The following EEPD1 variants were observed in gnomAD, a reference collection of about 807,000 sequenced individuals.
EEPD1 encodes endonuclease/exonuclease/phosphatase family domain-containing protein 1.
EEPD1 carries 17 observed loss-of-function variants against 46.3 expected under a neutral mutation model. The observed-to-expected ratio is 0.37, with a 90% confidence interval of 0.25 to 0.55. The LOEUF is 0.55. Ranked by LOEUF, EEPD1 falls within the 20% of genes least tolerant of loss-of-function variation. The probability of loss-of-function intolerance (pLI) is 0.83; values close to 1 mark genes in which losing one functional copy is unlikely to be tolerated. For missense variants in EEPD1, 673 were observed against 745.6 expected, an observed-to-expected ratio of 0.90 and a Z score of 1.13; for synonymous variants, 313 against 315.6, an observed-to-expected ratio of 0.99 and a Z score of 0.09.
At position 36,209,968 on chromosome 7, in the gene EEPD1, A is replaced by T. The variant is rs1256397537; in HGVS notation, c.879-29017A>T. Among the ~76,000 whole-genome samples the T allele has an allele frequency of 4.6e-5, 7 of 152,020 alleles. No individual in the cohort carries two copies. In the East Asian group the frequency reaches 1.4e-3, roughly 29 times the overall value. ...GCTGTGGAGATGACTGAGTCCAGCC[A>T]GTGCAGAGGGAGGAAAAGCTCCCTT... On this transcript the variant is annotated intron_variant, in intron 2 of 7. Transcript: ENST00000242108.
At chr7:36,180,977 C>T (rs765129105) in intron 2 of EEPD1, among the ~76,000 whole-genome samples, 9 of 152,112 alleles carry the variant, frequency 5.9e-5, no homozygotes, top group Non-Finnish European at 8.8e-5. Context: ...CTTTCACTGC[C>T]CCCAGCAGCG....
intron 2 of EEPD1, among the ~76,000 whole-genome samples, chr7:36,187,480 A>G (rs888043): frequency 0.8 from 122,415 of 152,118 alleles, 51,374 homozygotes; most frequent in Non-Finnish European, 0.92. Flanking sequence ...CATGTCTCCT[A>G]CCACCGGGTT....
intron 2 of EEPD1, among the ~76,000 whole-genome samples, chr7:36,226,681 T>G (rs1786236934): frequency 1.3e-5 from 2 of 152,036 alleles, no homozygotes; most frequent in Admixed American, 1.3e-4. Context: ...GAAAATAAAA[T>G]TTAAAACCAA....
intron 6 of EEPD1, among the ~76,000 whole-genome samples, chr7:36,294,688 CTA>C (rs528945753): frequency 6.0e-4 from 92 of 152,138 alleles, no homozygotes; most frequent in Non-Finnish European, 1.0e-3. Context: ...ACATCACAAA[CTA>C]AAAAGAAAAT....
chr7:36,188,139 A>C (rs1785395545), intron 2 of EEPD1, among the ~76,000 whole-genome samples: 1 of 151,976 alleles, frequency 6.6e-6, no homozygotes, highest in Admixed American at 6.6e-5. Context: ...CTCTCTTATT[A>C]ATTCTCTGGG....
In EEPD1 at chr7:36,225,211, C is replaced by G. The variant is rs1364308958; in HGVS notation, c.879-13774C>G. On this transcript the variant is annotated intron_variant, in intron 2 of 7. Transcript: ENST00000242108. This position sits in a 1 kb window ranked among gnomAD's most constrained non-coding sequence, Gnocchi z 4.2. Reference sequence around the variant, plus strand: ...AGTTTGTGATAATTTGTTAGAACAGCCACAGAAAACAACACAAATGCCATG... The same window carrying G: ...AGTTTGTGATAATTTGTTAGAACAGGCACAGAAAACAACACAAATGCCATG... Among the ~76,000 whole-genome samples the G allele has an allele frequency of 6.6e-6, 1 of 152,096 alleles. No individual in the cohort carries two copies. Among genetic ancestry groups the G allele is most frequent in the African/African-American group, 2.4e-5 (1 of 41,424 alleles).
intron 2 of EEPD1, among the ~76,000 whole-genome samples, chr7:36,157,094 A>G (rs527477338): frequency 6.6e-6 from 1 of 152,370 alleles, no homozygotes; most frequent in South Asian, 2.1e-4. Flanking sequence ...CATTCTAAGT[A>G]ATCTAAAGAT....
intron 3 of EEPD1, among the ~76,000 whole-genome samples, chr7:36,271,818 T>C (rs185885543): frequency 1.5e-3 from 56 of 37,588 alleles, no homozygotes; most frequent in Admixed American, 5.6e-3. Flanking sequence ...TCTATTCTAT[T>C]CTATTCTATT....
At position 36,299,183 on chromosome 7, in the gene EEPD1, G is replaced by A. The variant is rs1344635503; in HGVS notation, c.1687G>A (p.Ala563Thr). ...CGGGGTGGCCTTGGAGCGAAGTGAAGCCAACATCAAGCACGAGCGATGATG... is the reference window on the plus strand; with the variant it reads ...CGGGGTGGCCTTGGAGCGAAGTGAAACCAACATCAAGCACGAGCGATGATG... ...GSGVALERSE[A>T]NIKHER is the part of the protein sequence containing the mutation. Residue 563 changes from alanine to threonine, a missense_variant, in exon 8 of 8, where the codon GCC becomes ACC. Coordinates refer to ENST00000242108, the MANE Select transcript of EEPD1 (RefSeq NM_030636.3). 4 of 1,614,070 alleles carry A rather than the reference G, an allele frequency of 2.5e-6. No homozygotes were observed. The highest frequency in any genetic ancestry group is 1.3e-5 in the African/African-American group (1 of 74,946).
chr7:36,239,626 G>A (rs886482232), intron 3 of EEPD1, among the ~76,000 whole-genome samples: 9 of 152,136 alleles, frequency 5.9e-5, no homozygotes, highest in African/African-American at 1.9e-4. Context: ...GTTTCACTGT[G>A]CCCTGGAAGA....
intron 3 of EEPD1, among the ~76,000 whole-genome samples, chr7:36,273,562 G>A (rs139551694): frequency 2.6e-5 from 4 of 152,124 alleles, no homozygotes; most frequent in African/African-American, 9.6e-5. Flanking sequence ...AGCTCACATG[G>A]CAATTATCAC....
chr7:36,186,165 T>C (rs1041869256), intron 2 of EEPD1, among the ~76,000 whole-genome samples: 1 of 152,190 alleles, frequency 6.6e-6, no homozygotes, highest in Non-Finnish European at 1.5e-5. Context: ...TAGACTTTGT[T>C]GGCACTCTGG....
intron 7 of EEPD1, 29 bp from the exon 8 acceptor site, chr7:36,298,978 C>T (rs939277496): frequency 6.2e-7 from 1 of 1,609,526 alleles, no homozygotes; most frequent in East Asian, 2.2e-5. Context: ...CATCCTGATT[C>T]CCGGTCTCTT....
At chr7:36,215,524 AG>A (rs1178213861) in intron 2 of EEPD1, among the ~76,000 whole-genome samples, 1 of 152,234 alleles carries the variant, frequency 6.6e-6, no homozygotes, top group African/African-American at 2.4e-5. Flanking sequence ...TCCAGAAACC[AG>A]GTTTGAAATT....
intron 3 of EEPD1, among the ~76,000 whole-genome samples, chr7:36,264,459 G>A (rs1562706187): frequency 6.6e-6 from 1 of 152,194 alleles, no homozygotes; most frequent in Non-Finnish European, 1.5e-5. Flanking sequence ...ACATCGTGGC[G>A]TGTGTGTAAA....
chr7:36,195,392 A>G (rs908112839), intron 2 of EEPD1, among the ~76,000 whole-genome samples: 14 of 152,220 alleles, frequency 9.2e-5, no homozygotes, highest in Admixed American at 6.5e-5. Context: ...TCTCCATGGT[A>G]TAGAGGTGGG....
intron 2 of EEPD1, among the ~76,000 whole-genome samples, chr7:36,175,895 G>A (rs935000581): frequency 3.9e-5 from 6 of 152,358 alleles, no homozygotes; most frequent in Non-Finnish European, 5.9e-5. Context: ...GAACGGGGAG[G>A]AGGTGAAGCC....
chr7:36,197,462 G>A (rs1399070382), intron 2 of EEPD1, among the ~76,000 whole-genome samples: 3 of 152,230 alleles, frequency 2.0e-5, no homozygotes, highest in East Asian at 3.8e-4. Context: ...GCAGTTTTGT[G>A]GAATAGAAAA....
chr7:36,219,329 G>GA (rs145396446), intron 2 of EEPD1, among the ~76,000 whole-genome samples: 54 of 148,844 alleles, frequency 3.6e-4, no homozygotes, highest in Non-Finnish European at 4.3e-4. Context: ...CATTTTACAG[G>GA]AAAAAAAAAA....
Sources: allele counts gnomAD v4.1 joint callset (sites outside exome capture counted in the v4.1 genomes callset), GRCh38; gene constraint gnomAD v4.1.1; non-coding constraint Gnocchi (gnomAD v3.1); transcripts MANE v1.5; gene names NCBI Gene and HGNC (gene_info 2026-07-23, HGNC 2026-07-21).